The following SHTN1 variants were observed in gnomAD, a reference collection of about 807,000 sequenced individuals.
SHTN1 encodes the protein shootin-1.
Under a neutral mutation model 83.1 loss-of-function variants are expected in SHTN1, and 42 were observed. That is an observed-to-expected ratio of 0.51 (90% confidence interval 0.39 to 0.65). The LOEUF (loss-of-function observed/expected upper bound fraction) is 0.65. SHTN1 is among the 30% of genes least tolerant of loss of function. The pLI, the probability that SHTN1 is intolerant of heterozygous loss-of-function variation, is 0.00. For synonymous variants in SHTN1, 224 were observed against 247.7 expected (o/e 0.90, Z 0.90); for missense variants, 622 against 737.8 (o/e 0.84, Z 1.82).
intron 1 of SHTN1, among the ~76,000 whole-genome samples, chr10:117,079,305 C>G (rs987610650): frequency 2.2e-5 from 3 of 135,380 alleles, no homozygotes; most frequent in African/African-American, 8.5e-5. Flanking sequence ...TTTGTTCTTG[C>G]GATAGTTTAC....
At chr10:116,972,395 T>G (rs1850648583) in intron 2 of SHTN1, among the ~76,000 whole-genome samples, 1 of 152,216 alleles carries the variant, frequency 6.6e-6, no homozygotes, top group African/African-American at 2.4e-5. Flanking sequence ...CAAATGCAGC[T>G]TACTTATTCT....
chr10:117,028,721 T>G (rs972939673), intron 2 of SHTN1, among the ~76,000 whole-genome samples: 4 of 152,188 alleles, frequency 2.6e-5, no homozygotes, highest in African/African-American at 9.6e-5. Context: ...CACGTGGTGT[T>G]AAGCCTGCAG....
chr10:116,983,245 G>A (rs1405138130), intron 1 of SHTN1, among the ~76,000 whole-genome samples: 1 of 152,110 alleles, frequency 6.6e-6, no homozygotes, highest in Non-Finnish European at 1.5e-5. Flanking sequence ...TTGTTATTAA[G>A]AGTAAATGAG....
At chr10:117,028,812 C>A (rs578008750) in intron 2 of SHTN1, among the ~76,000 whole-genome samples, 1 of 152,294 alleles carries the variant, frequency 6.6e-6, no homozygotes, top group East Asian at 1.9e-4. Flanking sequence ...GGTATCTAAG[C>A]AGAAGCCTGC....
At position 116,951,927 on chromosome 10, in the gene SHTN1, G is replaced by C; in HGVS notation, c.516C>G (p.Leu172=). ...TACATACTTCTTCAATTACTTCTAC[G>C]AGTTTGCTCTTGAGATTTTCCAGCT... ...AIELENLKSK[L]VEVIEEVNKV... The change falls in exon 6 of 17, where the codon CTC becomes CTG. Residue 172 remains leucine (L), a synonymous_variant. Coordinates refer to ENST00000355371, the MANE Select transcript of SHTN1 (RefSeq NM_001127211.3). 1 of 1,587,524 alleles carries C rather than the reference G, an allele frequency of 6.3e-7. No homozygotes were observed. Among genetic ancestry groups the C allele is most frequent in the Admixed American group, 1.7e-5 (1 of 59,326 alleles).
intron 9 of SHTN1, among the ~76,000 whole-genome samples, chr10:116,932,904 G>T (rs370263205): frequency 6.6e-6 from 1 of 152,140 alleles, no homozygotes; most frequent in African/African-American, 2.4e-5. Context: ...TTCTAGGCAC[G>T]TATTATTTAC....
At chr10:116,983,811 G>T (rs780611425) in intron 1 of SHTN1, among the ~76,000 whole-genome samples, 12 of 152,068 alleles carry the variant, frequency 7.9e-5, no homozygotes, top group Non-Finnish European at 1.8e-4. Context: ...GCCAAAGTGG[G>T]CTGTAACATA....
intron 16 of SHTN1, among the ~76,000 whole-genome samples, chr10:116,898,475 G>A (rs1847601401): frequency 6.6e-6 from 1 of 152,074 alleles, no homozygotes; most frequent in Non-Finnish European, 1.5e-5. Flanking sequence ...CAAAAAAGAG[G>A]TTTGCACTTA....
At chr10:116,989,443 GAGA>G (rs1251239187) in intron 1 of SHTN1, among the ~76,000 whole-genome samples, 1 of 152,122 alleles carries the variant, frequency 6.6e-6, no homozygotes, top group East Asian at 1.9e-4. Context: ...AAGAGCTGGG[GAGA>G]ACTAAAGATA....
At chr10:117,052,592 G>T (rs59475750) in intron 1 of SHTN1, among the ~76,000 whole-genome samples, 1,918 of 152,226 alleles carry the variant, frequency 0.013, 58 homozygotes, top group African/African-American at 0.045. Context: ...TAGATCGATG[G>T]AATAGAATTG....
chr10:116,918,022 A>C (rs1191165476), intron 12 of SHTN1, among the ~76,000 whole-genome samples: 1 of 152,208 alleles, frequency 6.6e-6, no homozygotes, highest in Non-Finnish European at 1.5e-5. Context: ...AGTTCTAATA[A>C]ATCTGCAAGA....
intron 1 of SHTN1, among the ~76,000 whole-genome samples, chr10:117,086,403 CCTTGT>C (rs1853354075): frequency 1.3e-5 from 2 of 152,132 alleles, no homozygotes. Context: ...CTCTGAGCGT[CCTTGT>C]CTTTTCATTG....
intron 9 of SHTN1, among the ~76,000 whole-genome samples, chr10:116,937,517 C>T (rs1849218956): frequency 6.6e-6 from 1 of 152,182 alleles, no homozygotes; most frequent in Admixed American, 6.5e-5. Flanking sequence ...TGTAGGGTTT[C>T]TGCAGAGTGA....
rs542473291 is a variant in SHTN1 at position 117,077,379 on chromosome 10, C to T, written c.-188-28869G>A. Among the ~76,000 whole-genome samples, 113 of 152,220 alleles carry T rather than the reference C, an allele frequency of 7.4e-4. 2 individuals carry two copies. In the South Asian group the frequency reaches 0.022, roughly 30 times the overall value. ...ACTCTACCTGGGCACTTAAGGAAAT[C>T]AAGGTTTTCACTGGAAGTTTGCCCA... is the stretch of plus-strand genomic sequence containing the variant. On this transcript the variant is annotated intron_variant, in intron 1 of 17. Coordinates refer to the SHTN1 transcript ENST00000392901.
At chr10:116,930,085 T>C in intron 9 of SHTN1, 83 bp from the exon 10 acceptor site, 1 of 940,750 alleles carries the variant, frequency 1.1e-6, no homozygotes, top group Non-Finnish European at 1.6e-6. Flanking sequence ...AAATAAATAT[T>C]TCCCTTTGAC....
intron 13 of SHTN1, among the ~76,000 whole-genome samples, chr10:116,912,737 G>A (rs1409332010): frequency 6.6e-6 from 1 of 152,128 alleles, no homozygotes; most frequent in African/African-American, 2.4e-5. Context: ...AAAGGATAGA[G>A]ATGAAGGGGA....
intron 14 of SHTN1, among the ~76,000 whole-genome samples, chr10:116,909,461 A>G (rs531291768): frequency 3.9e-4 from 60 of 152,172 alleles, no homozygotes; most frequent in Admixed American, 6.5e-4. Context: ...ATTTGCATCA[A>G]TCTATTCTTC....
chr10:117,102,598 G>T (rs558012359), intron 1 of SHTN1, among the ~76,000 whole-genome samples: 3 of 152,026 alleles, frequency 2.0e-5, no homozygotes, highest in African/African-American at 7.2e-5. Flanking sequence ...AAGTGGATCT[G>T]GTTACATTTG....
At chr10:117,103,530 CTTTTTTTTT>C (rs35229163) in intron 1 of SHTN1, among the ~76,000 whole-genome samples, 3 of 77,502 alleles carry the variant, frequency 3.9e-5, no homozygotes, top group East Asian at 4.7e-4. Context: ...CCTCCCCTCT[CTTTTTTTTT>C]TTTTTTTTTT....
Sources: allele counts gnomAD v4.1 joint callset (sites outside exome capture counted in the v4.1 genomes callset), GRCh38; gene constraint gnomAD v4.1.1; transcripts MANE v1.5; gene names NCBI Gene and HGNC (gene_info 2026-07-23, HGNC 2026-07-21).